The following ZNF341 variants were observed in gnomAD, a reference collection of about 807,000 sequenced individuals.
The protein encoded by ZNF341 is zinc finger protein 341.
In ZNF341, 52 loss-of-function variants were observed where a neutral mutation model predicts 87.7. The observed-to-expected ratio is 0.59, with a 90% CI of 0.47 to 0.75. ZNF341 has a LOEUF of 0.75. Among genes scored for constraint, ZNF341 ranks in the 30% least tolerant of loss-of-function variants. The probability of loss-of-function intolerance (pLI) is 0.00; values close to 1 mark genes in which losing one functional copy is unlikely to be tolerated. For synonymous variants in ZNF341, 459 were observed against 472.7 expected, an observed-to-expected ratio of 0.97 and a Z score of 0.38; for missense variants, 977 against 1,145.9, an observed-to-expected ratio of 0.85 and a Z score of 2.13.
chr20:33,762,039 G>A lies in ZNF341; in HGVS notation c.1206G>A (p.Glu402=), dbSNP rs1285228814. The change falls in exon 8 of 15, where the codon GAG becomes GAA. Residue 402 remains glutamate (E), a synonymous_variant. Transcript: ENST00000375200. ...TGGCCCTGAACCCCAGCAGGCAGGA[G>A]GACGAGGAAAGCACAGGTGGGTGGA... is the stretch of plus-strand genomic sequence containing the variant. ...QVMALNPSRQ[E]DEESTGLGQP... is the part of the protein sequence containing the mutation. 3 of 1,562,724 alleles carry A rather than the reference G, an allele frequency of 1.9e-6. No individual in the cohort carries two copies. The highest frequency in any genetic ancestry group is 1.7e-6 in the Non-Finnish European group (2 of 1,143,128).
chr20:33,761,767 T>C (rs1226426698), intron 7 of ZNF341, 95 bp from the exon 8 acceptor site: 1 of 1,111,192 alleles, frequency 9.0e-7, no homozygotes. Context: ...GGCATCTGGA[T>C]GTTCTTTCTG....
At chr20:33,773,636 C>T (rs928729526) in intron 10 of ZNF341, among the ~76,000 whole-genome samples, 9 of 152,172 alleles carry the variant, frequency 5.9e-5, no homozygotes, top group African/African-American at 2.2e-4. Context: ...TCAAGTAAGA[C>T]AAGGCTGAGG....
intron 1 of ZNF341, among the ~76,000 whole-genome samples, chr20:33,733,333 C>T (rs1228048546): frequency 1.3e-5 from 2 of 151,522 alleles, no homozygotes; most frequent in East Asian, 1.9e-4. Context: ...CATTCTTCTG[C>T]TTCTTCTGCC....
intron 10 of ZNF341, among the ~76,000 whole-genome samples, chr20:33,774,974 T>C (rs2019600610): frequency 6.6e-6 from 1 of 152,138 alleles, no homozygotes; most frequent in African/African-American, 2.4e-5. Flanking sequence ...ATCAGTAATA[T>C]GGACATCTTT....
chr20:33,734,852 A>C (rs186721681), intron 1 of ZNF341, among the ~76,000 whole-genome samples: 1 of 151,860 alleles, frequency 6.6e-6, no homozygotes, highest in Non-Finnish European at 1.5e-5. Flanking sequence ...CTACAGGCAC[A>C]TGCCACCACG....
intron 2 of ZNF341, 97 bp downstream of exon 2, chr20:33,741,109 G>C (rs1189935755): frequency 1.3e-5 from 15 of 1,168,282 alleles, no homozygotes; most frequent in Non-Finnish European, 1.9e-5. Context: ...AATGCTTGCT[G>C]TGGTCCCCAG....
chr20:33,754,921 G>C (rs1268280486), intron 5 of ZNF341, among the ~76,000 whole-genome samples: 1 of 152,120 alleles, frequency 6.6e-6, no homozygotes, highest in African/African-American at 2.4e-5. Flanking sequence ...TTGAGTGATG[G>C]CTGAATTTAT....
At position 33,791,208 on chromosome 20, in the gene ZNF341, C is replaced by G. The variant is rs1400876590; in HGVS notation, c.2256C>G (p.Ala752=). 2 of 1,612,518 alleles carry G rather than the reference C, an allele frequency of 1.2e-6. No individual in the cohort carries two copies. The highest frequency in any genetic ancestry group is 4.5e-5 in the East Asian group (2 of 44,866). Residue 752 remains alanine (A), a synonymous_variant, in exon 15 of 15, where the codon GCC becomes GCG. Transcript: ENST00000375200. ...QTRRPPQRRA[A]PRSCGSGGRK... is the part of the protein sequence containing the mutation. ...GGCGGCCCCCCCAGAGGAGGGCAGC[C>G]CCCCGCAGTTGCGGCAGTGGTGGGC... is the stretch of plus-strand genomic sequence containing the variant.
At chr20:33,762,650 G>A (rs1393822697) in intron 8 of ZNF341, among the ~76,000 whole-genome samples, 1 of 152,000 alleles carries the variant, frequency 6.6e-6, no homozygotes, top group Non-Finnish European at 1.5e-5. Flanking sequence ...GGCCCTGCAT[G>A]CATTCGGTAT....
At chr20:33,768,554 C>G (rs2019458922) in intron 9 of ZNF341, among the ~76,000 whole-genome samples, 1 of 151,910 alleles carries the variant, frequency 6.6e-6, no homozygotes, top group African/African-American at 2.4e-5. Context: ...TCTTGAGTAG[C>G]TGGGATTACG....
rs1343668425 is a variant in ZNF341, at chr20:33,747,638, A to AAC, written c.340-1284_340-1283insCA. 4.5e-5 allele frequency among the ~76,000 whole-genome samples: 6 copies of AAC among 132,696 alleles called. 1 individual carries two copies. Among genetic ancestry groups the AAC allele is most frequent in the Non-Finnish European group, 7.5e-5 (5 of 66,966 alleles). 87.1% of individuals were successfully genotyped at this position (132,696 alleles called of 152,430 possible). On this transcript the variant is annotated intron_variant, in intron 3 of 14. Transcript: ENST00000375200. ...TCAAAAAAAAAAAAAAAAAAAAAAA[A>AAC]AAAACACAGTCATTTTTCTCACTGC...
At chr20:33,752,197 AT>A (rs2019074085) in intron 4 of ZNF341, 2 of 533,998 alleles carry the variant, frequency 3.7e-6, no homozygotes, top group Non-Finnish European at 7.4e-6. Context: ...CTGTCTGTAG[AT>A]TTTTGAAAGT....
At chr20:33,736,125 C>T (rs2018679769) in intron 1 of ZNF341, among the ~76,000 whole-genome samples, 2 of 112,590 alleles carry the variant, frequency 1.8e-5, no homozygotes, top group African/African-American at 3.5e-5. Flanking sequence ...TAGACCCTGT[C>T]TCAAAAAAAA....
chr20:33,775,502 C>A (rs1189222068), intron 10 of ZNF341, among the ~76,000 whole-genome samples: 1 of 150,878 alleles, frequency 6.6e-6, no homozygotes, highest in Non-Finnish European at 1.5e-5. Context: ...AGCCACCGTG[C>A]CCGGCCTTTT....
intron 10 of ZNF341, among the ~76,000 whole-genome samples, chr20:33,771,972 G>A (rs946000844): frequency 2.3e-4 from 30 of 128,302 alleles, no homozygotes; most frequent in Admixed American, 9.5e-4. Flanking sequence ...CCATCATCGC[G>A]CCACTGCACT....
At chr20:33,785,221 T>A (rs2019828413) in intron 12 of ZNF341, among the ~76,000 whole-genome samples, 1 of 152,206 alleles carries the variant, frequency 6.6e-6, no homozygotes, top group African/African-American at 2.4e-5. Flanking sequence ...TTTTCTTTCC[T>A]ACGACCTATG....
chr20:33,789,494 CT>C (rs779879087), intron 13 of ZNF341, 23 bp from the exon 14 acceptor site: 110 of 1,613,838 alleles, frequency 6.8e-5, no homozygotes, highest in Admixed American at 1.8e-4. Flanking sequence ...TGAGCTCCCC[CT>C]GACCAGTGGC....
chr20:33,739,062 C>A (rs1286380834), intron 1 of ZNF341, among the ~76,000 whole-genome samples: 2 of 152,190 alleles, frequency 1.3e-5, no homozygotes, highest in African/African-American at 2.4e-5. Context: ...CCTCCACCTC[C>A]CGGGTTCAAG....
intron 1 of ZNF341, among the ~76,000 whole-genome samples, chr20:33,738,040 G>A (rs1400381808): frequency 6.6e-6 from 1 of 151,940 alleles, no homozygotes; most frequent in Non-Finnish European, 1.5e-5. Context: ...GGGAGGCTGA[G>A]GCAGGAAAGT....
Sources: allele counts gnomAD v4.1 joint callset (sites outside exome capture counted in the v4.1 genomes callset), GRCh38; gene constraint gnomAD v4.1.1; transcripts MANE v1.5; gene names NCBI Gene and HGNC (gene_info 2026-07-23, HGNC 2026-07-21).